Variants in SGCD observed in about 807,000 individuals in gnomAD.
SGCD encodes the protein delta-sarcoglycan.
In SGCD, 18 loss-of-function variants were observed where a neutral mutation model predicts 36.6. The observed-to-expected ratio is 0.49, with a 90% CI of 0.34 to 0.73. The LOEUF is 0.73. SGCD is among the 30% of genes least tolerant of loss of function. The pLI, the probability that SGCD is intolerant of heterozygous loss-of-function variation, is 0.01. For missense variants in SGCD, 387 were observed against 346.7 expected (o/e 1.12, Z -0.92); for synonymous variants, 133 against 130.6 (o/e 1.02, Z -0.12).
intron 1 of SGCD, among the ~76,000 whole-genome samples, chr5:156,075,012 A>C (rs1402405453): frequency 2.0e-5 from 3 of 152,264 alleles, no homozygotes; most frequent in African/African-American, 7.2e-5. Context: ...TTGGTGGGTC[A>C]CTGCATATGC....
chr5:156,157,227 C>T (rs1762983462), intron 3 of SGCD, among the ~76,000 whole-genome samples: 1 of 151,778 alleles, frequency 6.6e-6, no homozygotes, highest in South Asian at 2.1e-4. Context: ...TAAGTCCTGA[C>T]TCTATGACAG....
the SGCD span, among the ~76,000 whole-genome samples, chr5:155,822,032 T>A: frequency 6.6e-6 from 1 of 151,934 alleles, no homozygotes; most frequent in Non-Finnish European, 1.5e-5. Flanking sequence ...CATACACTAA[T>A]GAGAATCTTT....
At chr5:156,598,906 C>A (rs1761050389) in intron 6 of SGCD, among the ~76,000 whole-genome samples, 1 of 152,172 alleles carries the variant, frequency 6.6e-6, no homozygotes, top group Admixed American at 6.5e-5. Flanking sequence ...TTGTTGTTTG[C>A]AGCTATGTTT....
At position 156,760,726 on chromosome 5, in the gene SGCD, C is replaced by T. The variant is rs1302643413; in HGVS notation, c.*1336C>T. ...CTTCATCATCATGCTCCAGGGTCAC[C>T]CTGGCCAGCTCTTGTGCTGGGACAG... is the stretch of plus-strand genomic sequence containing the variant. On this transcript the variant is annotated 3_prime_UTR_variant, in exon 9 of 9. Transcript: ENST00000337851. 6.5e-6 allele frequency: 1 copy of T among 152,726 alleles called. No homozygotes were observed. The highest frequency in any genetic ancestry group is 2.4e-5 in the African/African-American group (1 of 41,446). 9.5% of individuals were successfully genotyped at this position (152,726 alleles called of 1,614,324 possible). A position where few individuals can be genotyped will look rare whatever the true frequency, so the allele number is the denominator to read the frequency against.
At chr5:156,348,878 A>G (rs1226058692) in intron 3 of SGCD, among the ~76,000 whole-genome samples, 1 of 152,202 alleles carries the variant, frequency 6.6e-6, no homozygotes, top group Non-Finnish European at 1.5e-5. Context: ...TAACCAAAAC[A>G]GCATAATACT....
chr5:155,910,673 A>G (rs1756611654), intron 1 of SGCD, among the ~76,000 whole-genome samples: 1 of 152,170 alleles, frequency 6.6e-6, no homozygotes, highest in Admixed American at 6.6e-5. Context: ...GCCTCCTGAT[A>G]GAATTATTTT....
chr5:155,917,263 C>T (rs1206093895), intron 1 of SGCD, among the ~76,000 whole-genome samples: 2 of 152,114 alleles, frequency 1.3e-5, no homozygotes, highest in Non-Finnish European at 2.9e-5. Flanking sequence ...ACACTGACTC[C>T]ATGCAGGAGA....
intron 7 of SGCD, among the ~76,000 whole-genome samples, chr5:156,701,159 T>C (rs1468153351): frequency 6.6e-6 from 1 of 152,180 alleles, no homozygotes. Flanking sequence ...TCCATGGGAA[T>C]TGGATTTCCA....
chr5:156,737,201 A>G (rs927825036), intron 7 of SGCD, among the ~76,000 whole-genome samples: 1 of 152,220 alleles, frequency 6.6e-6, no homozygotes, highest in African/African-American at 2.4e-5. Context: ...ACTTTTTCCC[A>G]GAGCCCTAAA....
chr5:156,322,100 C>A (rs1355082004), upstream of SGCD, among the ~76,000 whole-genome samples: 3 of 152,194 alleles, frequency 2.0e-5, no homozygotes, highest in African/African-American at 7.2e-5. Flanking sequence ...CCTATATTCA[C>A]AGCCTAGCTT....
intron 3 of SGCD, among the ~76,000 whole-genome samples, chr5:156,451,571 T>C (rs1754017982): frequency 1.3e-5 from 2 of 152,180 alleles, no homozygotes; most frequent in African/African-American, 4.8e-5. Context: ...TTGAAATTGC[T>C]ATGGGCACAG....
At chr5:156,561,148 G>C (rs1036270285) in intron 4 of SGCD, among the ~76,000 whole-genome samples, 1 of 152,132 alleles carries the variant, frequency 6.6e-6, no homozygotes, top group Non-Finnish European at 1.5e-5. Flanking sequence ...CCTCCACACA[G>C]AGCATATCAC....
upstream of SGCD, among the ~76,000 whole-genome samples, chr5:155,868,776 CA>C (rs973159111): frequency 1.3e-5 from 2 of 151,792 alleles, no homozygotes; most frequent in African/African-American, 4.8e-5. Context: ...TGTCAGGTGA[CA>C]AAAAATGAAT....
intron 4 of SGCD, among the ~76,000 whole-genome samples, chr5:156,570,512 C>G (rs1759675831): frequency 6.6e-6 from 1 of 152,082 alleles, no homozygotes; most frequent in Non-Finnish European, 1.5e-5. Context: ...TAGATACATA[C>G]CTAGTCATGA....
In SGCD at chr5:156,762,882, G is replaced by A. The variant is rs1757523556; in HGVS notation, c.*3492G>A. 6.6e-6 allele frequency: 1 copy of A among 152,180 alleles called. No homozygotes were observed. Among genetic ancestry groups the A allele is most frequent in the African/African-American group, 2.4e-5 (1 of 41,424 alleles). The allele number at this position is 152,180 out of a possible 1,614,324, so 9.4% of individuals were successfully genotyped here. ...AAGAAAGCACATTTCCAAACAGCAG[G>A]GAGTAAGCTTACATTTCTGTGTAGG... is the stretch of plus-strand genomic sequence containing the variant. On this transcript the variant is annotated 3_prime_UTR_variant, in exon 9 of 9. Transcript: ENST00000337851.
intron 4 of SGCD, among the ~76,000 whole-genome samples, chr5:156,544,851 G>T (rs1758500624): frequency 6.6e-6 from 1 of 152,156 alleles, no homozygotes; most frequent in South Asian, 2.1e-4. Flanking sequence ...CTTGGAACTG[G>T]ATGTTAATAA....
intron 1 of SGCD, among the ~76,000 whole-genome samples, chr5:155,886,281 C>T (rs912057790): frequency 2.0e-5 from 3 of 152,136 alleles, no homozygotes; most frequent in Non-Finnish European, 2.9e-5. Context: ...TGTGGAGCTC[C>T]CTGGCCATCT....
intron 1 of SGCD, among the ~76,000 whole-genome samples, chr5:155,967,938 T>C (rs10066440): frequency 0.016 from 2,365 of 152,198 alleles, 50 homozygotes; most frequent in African/African-American, 0.054. Context: ...CTTCCTTCAA[T>C]ACATTTCAGC....
rs553623293 is a variant in SGCD, at chr5:156,090,661, G to T, written c.-281-27217G>T. ...AACCGGTCTGACTAGAATTCACCAG[G>T]CTGGAATTTCCCAATCCTAGTAAGC... On this transcript the variant is annotated intron_variant, in intron 1 of 9. Transcript: ENST00000517913. 3.9e-5 allele frequency among the ~76,000 whole-genome samples: 6 copies of T among 152,258 alleles called. No homozygotes were observed. In the East Asian group the frequency reaches 1.2e-3, roughly 29 times the overall value.
Sources: allele counts gnomAD v4.1 joint callset (sites outside exome capture counted in the v4.1 genomes callset), GRCh38; gene constraint gnomAD v4.1.1; transcripts MANE v1.5; gene names NCBI Gene and HGNC (gene_info 2026-07-23, HGNC 2026-07-21).